The following MAN2A1 variants were observed in gnomAD, a reference collection of about 807,000 sequenced individuals.
MAN2A1 encodes alpha-mannosidase 2.
MAN2A1 carries 76 observed loss-of-function variants against 142.6 expected under a neutral mutation model. That is an observed-to-expected ratio of 0.53 (90% CI 0.44 to 0.65). MAN2A1 has a LOEUF of 0.65. Ranked by LOEUF, MAN2A1 falls within the 30% of genes least tolerant of loss-of-function variation. The pLI is 0.00. For synonymous variants in MAN2A1, 559 were observed against 473.2 expected (o/e 1.18, Z -2.35); for missense variants, 1,311 against 1,365.1 (o/e 0.96, Z 0.62).
intron 16 of MAN2A1, among the ~76,000 whole-genome samples, chr5:109,841,269 AT>A (rs1210765125): frequency 6.6e-6 from 1 of 152,100 alleles, no homozygotes; most frequent in Non-Finnish European, 1.5e-5. Flanking sequence ...ACTGCACTCT[AT>A]TTGTAGTCTT....
chr5:109,787,332 A>G (rs1340554751), intron 10 of MAN2A1, among the ~76,000 whole-genome samples: 4 of 152,040 alleles, frequency 2.6e-5, no homozygotes, highest in Non-Finnish European at 5.9e-5. Flanking sequence ...TACAACAACC[A>G]TAACAGCAAA....
At chr5:109,695,498 G>A (rs569194188) in intron 1 of MAN2A1, among the ~76,000 whole-genome samples, 2 of 152,308 alleles carry the variant, frequency 1.3e-5, no homozygotes, top group African/African-American at 2.4e-5. Flanking sequence ...TTCCTGGAAT[G>A]AGTGGTTCAC....
At chr5:109,814,033 A>C (rs1754388601) in intron 12 of MAN2A1, among the ~76,000 whole-genome samples, 1 of 152,084 alleles carries the variant, frequency 6.6e-6, no homozygotes. Context: ...CATAACCCTG[A>C]ATTATGGGGG....
At chr5:109,831,234 C>T (rs1260427916) in intron 16 of MAN2A1, among the ~76,000 whole-genome samples, 1 of 152,150 alleles carries the variant, frequency 6.6e-6, no homozygotes, top group African/African-American at 2.4e-5. Context: ...AGTAAATATA[C>T]AAGGAACCTT....
intron 1 of MAN2A1, among the ~76,000 whole-genome samples, chr5:109,702,116 G>A (rs1399682331): frequency 6.6e-6 from 1 of 152,148 alleles, no homozygotes; most frequent in Non-Finnish European, 1.5e-5. Flanking sequence ...TGTAGCAGAT[G>A]TTAATGAAAT....
intron 3 of MAN2A1, among the ~76,000 whole-genome samples, chr5:109,727,779 G>A (rs1039318128): frequency 7.2e-5 from 11 of 152,138 alleles, no homozygotes; most frequent in Admixed American, 6.5e-4. Flanking sequence ...GGGAGTTAGG[G>A]CATCTGGGTT....
intron 12 of MAN2A1, chr5:109,794,203 C>G (rs149791494): frequency 1.4e-4 from 22 of 152,204 alleles, no homozygotes; most frequent in African/African-American, 5.3e-4. Flanking sequence ...AAGTGAGATT[C>G]CATGACTTGA....
At chr5:109,862,936 A>T (rs893072947) in intron 20 of MAN2A1, 2 of 152,086 alleles carry the variant, frequency 1.3e-5, no homozygotes, top group Admixed American at 1.3e-4. Context: ...CTATTTTTGT[A>T]TTGTCGGTTT....
chr5:109,802,489 C>A (rs12187123), intron 12 of MAN2A1, among the ~76,000 whole-genome samples: 2,840 of 152,072 alleles, frequency 0.019, 34 homozygotes, highest in Middle Eastern at 0.075. Context: ...TTGGTTTGGG[C>A]GAATTATGAA....
At chr5:109,809,095 G>C (rs1482125282) in intron 12 of MAN2A1, among the ~76,000 whole-genome samples, 1 of 152,058 alleles carries the variant, frequency 6.6e-6, no homozygotes, top group African/African-American at 2.4e-5. Context: ...AATTATAAAT[G>C]CTAGATATAA....
chr5:109,776,525 G>C (rs1159863541), intron 8 of MAN2A1, among the ~76,000 whole-genome samples: 1 of 152,018 alleles, frequency 6.6e-6, no homozygotes, highest in African/African-American at 2.4e-5. Flanking sequence ...CTGGTCTCCT[G>C]TCTGACTGAA....
At chr5:109,789,652 A>T (rs1045019273) in intron 12 of MAN2A1, 125 bp downstream of exon 12, 7 of 634,156 alleles carry the variant, frequency 1.1e-5, no homozygotes, top group Admixed American at 6.6e-5. Context: ...AAACTCCTAA[A>T]AAATGGATTT....
Position 109,818,191 on chromosome 5 carries a change from A to G in MAN2A1, c.2109+753A>G, listed in dbSNP as rs572819857. Reference sequence around the variant, plus strand: ...ATTTCGCTCTTGTTGCCCAGGCTGGAGTGCAATGGCGCGATCTCGGCGCAC... The same window carrying G: ...ATTTCGCTCTTGTTGCCCAGGCTGGGGTGCAATGGCGCGATCTCGGCGCAC... On this transcript the variant is annotated intron_variant, in intron 13 of 21. Coordinates refer to ENST00000261483, the MANE Select transcript of MAN2A1 (RefSeq NM_002372.4). Among the ~76,000 whole-genome samples the G allele has an allele frequency of 2.3e-4, 35 of 152,206 alleles. 1 individual carries two copies. The highest frequency in any genetic ancestry group is 2.2e-3 in the Admixed American group (33 of 15,294).
intron 1 of MAN2A1, among the ~76,000 whole-genome samples, chr5:109,695,503 G>A (rs1458074379): frequency 6.6e-6 from 1 of 152,130 alleles, no homozygotes; most frequent in Non-Finnish European, 1.5e-5. Flanking sequence ...GGAATGAGTG[G>A]TTCACTAGCT....
At chr5:109,817,691 G>A (rs1018176763) in intron 13 of MAN2A1, among the ~76,000 whole-genome samples, 2 of 152,088 alleles carry the variant, frequency 1.3e-5, no homozygotes, top group Non-Finnish European at 2.9e-5. Flanking sequence ...TATGTATATT[G>A]TATATCTTTG....
rs142928046 is a variant in MAN2A1 at position 109,761,638 on chromosome 5, T to A, written c.836-5897T>A. On this transcript the variant is annotated intron_variant, in intron 5 of 21. Coordinates refer to ENST00000261483, the MANE Select transcript of MAN2A1 (RefSeq NM_002372.4). ...CATGAGTAAGATTAGTTTTCTTTTTTAATGTACTACATTTGTATTTTTTTT... is the reference window on the plus strand; with the variant it reads ...CATGAGTAAGATTAGTTTTCTTTTTAAATGTACTACATTTGTATTTTTTTT... Among the ~76,000 whole-genome samples the A allele has an allele frequency of 3.6e-3, 548 of 152,234 alleles. 5 individuals are homozygous for A. Among genetic ancestry groups the A allele is most frequent in the African/African-American group, 0.013 (530 of 41,584 alleles).
At chr5:109,824,361 C>T (rs1440644913) in intron 16 of MAN2A1, among the ~76,000 whole-genome samples, 1 of 152,082 alleles carries the variant, frequency 6.6e-6, no homozygotes, top group Non-Finnish European at 1.5e-5. Flanking sequence ...TTTATGAACC[C>T]AAGTGATAGG....
At chr5:109,779,316 A>G (rs1753382951) in intron 8 of MAN2A1, among the ~76,000 whole-genome samples, 1 of 152,212 alleles carries the variant, frequency 6.6e-6, no homozygotes, top group Non-Finnish European at 1.5e-5. Context: ...TTTATTGTTA[A>G]TACTAATTCT....
In MAN2A1 at chr5:109,735,899, T is replaced by TTC. The variant is rs1554074542; in HGVS notation, c.707+6386_707+6387insTC. Among the ~76,000 whole-genome samples, 92 of 148,612 alleles carry TTC rather than the reference T, an allele frequency of 6.2e-4. 3 individuals carry two copies. The highest frequency in any genetic ancestry group is 2.2e-4 in the Non-Finnish European group (15 of 67,350). On this transcript the variant is annotated intron_variant, in intron 4 of 21. Transcript: ENST00000261483. ...TGGAGTTTTTTTTTTTTTTTTTTTTTCCCTCTTGATAGGAGGCTTAAAATG... is the reference window on the plus strand; with the variant it reads ...TGGAGTTTTTTTTTTTTTTTTTTTTTTCCCCTCTTGATAGGAGGCTTAAAATG...
Sources: allele counts gnomAD v4.1 joint callset (sites outside exome capture counted in the v4.1 genomes callset), GRCh38; gene constraint gnomAD v4.1.1; transcripts MANE v1.5; gene names NCBI Gene and HGNC (gene_info 2026-07-23, HGNC 2026-07-21).